Variants in SYTL5 observed in about 807,000 individuals in gnomAD.
SYTL5 encodes the protein synaptotagmin-like protein 5.
In SYTL5, 34 loss-of-function variants were observed where a neutral mutation model predicts 55.9. The observed-to-expected ratio is 0.61, with a 90% CI of 0.46 to 0.81. The LOEUF is 0.81. Among genes scored for constraint, SYTL5 ranks in the 30% least tolerant of loss-of-function variants. The probability of loss-of-function intolerance (pLI) is 0.00; values close to 1 mark genes in which losing one functional copy is unlikely to be tolerated. For synonymous variants in SYTL5, 221 were observed against 188.7 expected (o/e 1.17, Z -1.40); for missense variants, 637 against 546.7 (o/e 1.17, Z -1.65).
At chrX:38,120,763 G>T (rs1477202073) in intron 14 of SYTL5, among the ~76,000 whole-genome samples, 1 of 110,369 alleles carries the variant, frequency 9.1e-6, no homozygotes, top group East Asian at 2.9e-4. Flanking sequence ...AAGGCAGGCT[G>T]CTGGAGGCAA....
At chrX:38,102,966 C>G in intron 10 of SYTL5, 1 of 884,009 alleles carries the variant, frequency 1.1e-6, no homozygotes, top group South Asian at 2.3e-5. Context: ...TTCTTGGCTT[C>G]TCTGATTTCT....
chrX:37,989,282 A>T, the SYTL5 span, among the ~76,000 whole-genome samples: 2 of 112,187 alleles, frequency 1.8e-5, no homozygotes, highest in Admixed American at 9.4e-5. Flanking sequence ...AATCCCCATG[A>T]CATACATAAA....
intron 12 of SYTL5, among the ~76,000 whole-genome samples, chrX:38,110,108 A>G (rs1937320443): frequency 8.9e-6 from 1 of 112,142 alleles, no homozygotes; most frequent in African/African-American, 3.2e-5. Context: ...TTGTTTATAT[A>G]TCTTTCAATG....
chrX:38,053,462 A>T (rs1045163133), intron 2 of SYTL5, among the ~76,000 whole-genome samples: 1 of 112,347 alleles, frequency 8.9e-6, no homozygotes, highest in Non-Finnish European at 1.9e-5. Flanking sequence ...CTTATTCATG[A>T]TGGAACCTGG....
intron 12 of SYTL5, among the ~76,000 whole-genome samples, chrX:38,109,777 C>T (rs1258587376): frequency 9.2e-6 from 1 of 109,037 alleles, no homozygotes; most frequent in Middle Eastern, 4.2e-3. Context: ...TTACAAAAAA[C>T]AAAAAAAATG....
At chrX:37,989,957 C>G in the SYTL5 span, among the ~76,000 whole-genome samples, 1 of 111,058 alleles carries the variant, frequency 9.0e-6, no homozygotes, top group Non-Finnish European at 1.9e-5. Flanking sequence ...ACTGCAAACT[C>G]CACTTCCCGG....
intron 2 of SYTL5, among the ~76,000 whole-genome samples, chrX:38,040,654 G>A (rs1443999367): frequency 9.0e-6 from 1 of 111,657 alleles, no homozygotes; most frequent in African/African-American, 3.3e-5. Context: ...CAAATGACTG[G>A]ATTACACTCT....
In SYTL5 at chrX:38,056,836, G is replaced by T. The variant is rs773041076; in HGVS notation, c.329+2414G>T. On this transcript the variant is annotated intron_variant, in intron 3 of 16. Coordinates refer to ENST00000297875, the MANE Select transcript of SYTL5 (RefSeq NM_138780.3). ...AGATTTCTTCCTAATCAGATTATTA[G>T]ATTTTTTGTAGAGTTGTTCAAGCTC... Among the ~76,000 whole-genome samples the T allele has an allele frequency of 5.4e-5, 6 of 111,584 alleles. No homozygotes were observed. In the East Asian group the frequency reaches 1.1e-3, roughly 21 times the overall value.
At chrX:38,017,579 T>C (rs765545062) in intron 1 of SYTL5, among the ~76,000 whole-genome samples, 5 of 110,139 alleles carry the variant, frequency 4.5e-5, no homozygotes, top group Admixed American at 2.9e-4. Context: ...CTCTTGTCCC[T>C]GGACCAAACC....
chrX:37,962,699 A>G, the SYTL5 span, among the ~76,000 whole-genome samples: 1 of 111,895 alleles, frequency 8.9e-6, no homozygotes, highest in East Asian at 2.8e-4. Context: ...AACAGTGTCA[A>G]AGTGTTCCTA....
At position 38,033,813 on chromosome X, in the gene SYTL5, G is replaced by A; in HGVS notation, c.-77G>A. 1.8e-6 allele frequency: 1 copy of A among 547,485 alleles called. No individual in the cohort carries two copies. Among genetic ancestry groups the A allele is most frequent in the Non-Finnish European group, 3.0e-6 (1 of 332,777 alleles). The allele number at this position is 547,485 out of a possible 1,213,427, so 45.1% of individuals were successfully genotyped here. A position where few individuals can be genotyped will look rare whatever the true frequency, so the allele number is the denominator to read the frequency against. ...AACTGAGTGATTCTGAATTGGTTGG[G>A]GGAATCTTAGTTGTAGATATCAATT... On this transcript the variant is annotated 5_prime_UTR_variant, in exon 2 of 17. Coordinates refer to ENST00000297875, the MANE Select transcript of SYTL5 (RefSeq NM_138780.3).
At chrX:38,082,074 T>G (rs1204935082) in intron 6 of SYTL5, among the ~76,000 whole-genome samples, 8 of 112,030 alleles carry the variant, frequency 7.1e-5, no homozygotes, top group Non-Finnish European at 1.5e-4. Context: ...GTTTACTTTA[T>G]ATTATGTGTG....
At position 38,034,038 on chromosome X, in the gene SYTL5, C is replaced by T. The variant is rs199815020; in HGVS notation, c.119+30C>T. ...TATTCTTTTTATTTTTTCAGTCCTC[C>T]TTGACTGCTTTCTGTTTGTTTGAAG... On this transcript the variant is annotated intron_variant, in intron 2 of 16. Transcript: ENST00000297875. 7.4e-5 allele frequency: 66 copies of T among 889,223 alleles called. No individual in the cohort carries two copies. In the African/African-American group the frequency reaches 1.2e-3, roughly 16 times the overall value. 73.3% of individuals were successfully genotyped at this position (889,223 alleles called of 1,213,427 possible). A position where few individuals can be genotyped will look rare whatever the true frequency, so the allele number is the denominator to read the frequency against.
chrX:38,082,028 G>T (rs138415847), intron 6 of SYTL5, among the ~76,000 whole-genome samples: 2 of 111,760 alleles, frequency 1.8e-5, no homozygotes, highest in African/African-American at 3.3e-5. Context: ...CTTCAAAGAC[G>T]CAGTTTGTCA....
chrX:37,983,009 C>G, the SYTL5 span, among the ~76,000 whole-genome samples: 1 of 109,891 alleles, frequency 9.1e-6, no homozygotes, highest in Non-Finnish European at 1.9e-5. Flanking sequence ...ATGATAAGCC[C>G]TAAAGAAATG....
At chrX:37,925,846 A>G in the SYTL5 span, among the ~76,000 whole-genome samples, 1 of 111,741 alleles carries the variant, frequency 8.9e-6, no homozygotes. Flanking sequence ...ATGAGTGAGA[A>G]CATATGATAT....
the SYTL5 span, among the ~76,000 whole-genome samples, chrX:37,892,688 G>C: frequency 3.6e-5 from 3 of 83,186 alleles, no homozygotes; most frequent in Non-Finnish European, 6.3e-5. Context: ...GTATATATTA[G>C]TATATATACA....
chrX:38,053,708 G>A (rs1469521896), intron 2 of SYTL5, among the ~76,000 whole-genome samples: 2 of 111,922 alleles, frequency 1.8e-5, no homozygotes, highest in Non-Finnish European at 3.8e-5. Context: ...CCTGCCTCAA[G>A]TAGTATATAT....
intron 2 of SYTL5, among the ~76,000 whole-genome samples, chrX:38,046,801 T>G (rs1319424028): frequency 8.9e-6 from 1 of 112,007 alleles, no homozygotes; most frequent in African/African-American, 3.2e-5. Context: ...GTTAGTTACT[T>G]CCTAGATACA....
Sources: gnomAD v4.1 joint callset for allele counts (sites outside exome capture counted in the v4.1 genomes callset) on GRCh38, gnomAD v4.1.1 for gene constraint, MANE v1.5 for transcripts, NCBI Gene and HGNC (gene_info 2026-07-23, HGNC 2026-07-21) for gene names.